Variants in MARCHF1 observed in about 807,000 individuals in gnomAD.
MARCHF1 encodes the protein E3 ubiquitin-protein ligase MARCHF1.
MARCHF1 carries 40 observed loss-of-function variants against 54.2 expected under a neutral mutation model. That is an observed-to-expected ratio of 0.74 (90% confidence interval 0.57 to 0.96). MARCHF1 has a LOEUF of 0.96. MARCHF1 is among the 40% of genes least tolerant of loss of function. The probability of loss-of-function intolerance (pLI) is 0.00; values close to 1 mark genes in which losing one functional copy is unlikely to be tolerated. For synonymous variants in MARCHF1, 236 were observed against 236.3 expected, an observed-to-expected ratio of 1.00 and a Z score of 0.01; for missense variants, 586 against 656.5, an observed-to-expected ratio of 0.89 and a Z score of 1.17.
At position 163,611,365 on chromosome 4, in the gene MARCHF1, G is replaced by T. The variant is rs1022344503; in HGVS notation, c.1010+906C>A. On this transcript the variant is annotated intron_variant, in intron 7 of 9. Coordinates refer to ENST00000514618, the MANE Select transcript of MARCHF1 (RefSeq NM_001394959.1). ...CAATGGACATGAGCAGCCTTCTCTG[G>T]GTCACGTAATTCACACGAACATGCA... Among the ~76,000 whole-genome samples, 14 of 151,860 alleles carry T rather than the reference G, an allele frequency of 9.2e-5. No homozygotes were observed. The East Asian group carries it at 2.7e-3, about 29-fold the overall frequency.
chr4:163,709,233 C>G (rs1745036521), intron 4 of MARCHF1, among the ~76,000 whole-genome samples: 1 of 151,980 alleles, frequency 6.6e-6, no homozygotes, highest in South Asian at 2.1e-4. Flanking sequence ...GCAGGCAGGC[C>G]CATGGGAGTA....
chr4:163,612,690 G>A lies in MARCHF1; in HGVS notation c.591C>T (p.Asn197=), dbSNP rs1193574842. Residue 197 remains asparagine, a synonymous_variant, in exon 7 of 10, where the codon AAC becomes AAT. Transcript: ENST00000514618. ...CGTTAGGAGTGGAAGACCCAGCTAA[G>A]TTTTCACACGGCTTATTATTATTTC... The part of the protein sequence containing the change: ...RRRNNNKPCE[N]LAGSSTPNGI... 3.3e-6 allele frequency: 5 copies of A among 1,535,530 alleles called. No homozygotes were observed.
In MARCHF1 at chr4:163,613,364, G is replaced by A. The variant is rs1227662664; in HGVS notation, c.192C>T (p.Pro64=). 17 of 1,613,156 alleles carry A rather than the reference G, an allele frequency of 1.1e-5. No homozygotes were observed. Among genetic ancestry groups the A allele is most frequent in the Non-Finnish European group, 1.4e-5 (16 of 1,179,484 alleles). ...KASSPTTGTA[P]RSQSRLSVCP... ...AGACAGACAACCTTGACTGGCTCCT[G>A]GGAGCTGTCCCTGTTGTTGGGCTGC... Residue 64 remains proline (P), a synonymous_variant, in exon 6 of 10, where the codon CCC becomes CCT. Coordinates refer to ENST00000514618, the MANE Select transcript of MARCHF1 (RefSeq NM_001394959.1).
chr4:163,726,763 T>C (rs999319912), intron 4 of MARCHF1, among the ~76,000 whole-genome samples: 1 of 152,210 alleles, frequency 6.6e-6, no homozygotes, highest in African/African-American at 2.4e-5. Flanking sequence ...TCCTGCTACA[T>C]TTGGTGGTGG....
At chr4:163,791,071 TA>T (rs1747761982) in intron 4 of MARCHF1, among the ~76,000 whole-genome samples, 1 of 152,118 alleles carries the variant, frequency 6.6e-6, no homozygotes, top group Admixed American at 6.6e-5. Context: ...AATGAGAATG[TA>T]AAAACCATAG....
chr4:163,528,962 C>T lies in MARCHF1; in HGVS notation c.1424G>A (p.Cys475Tyr). ...GCGCCACAACTGAACATAGACTTTA[C>T]ACTGTACGTACATGAAGACAAGACC... is the stretch of plus-strand genomic sequence containing the variant. ...TGGLVFMYVQ[C>Y]KVYVQLWRRL... The change falls in exon 10 of 10, where the codon TGT (cysteine) becomes TAT (tyrosine). Residue 475 changes from cysteine to tyrosine, a missense_variant. By Grantham distance (194) the Cys-to-Tyr change is radical. Around this residue, in one of 3 missense-constraint regions of MARCHF1, gnomAD observed 106 missense variants for 93.8 expected, o/e 1.13. Coordinates refer to ENST00000514618, the MANE Select transcript of MARCHF1 (RefSeq NM_001394959.1). 6.2e-7 allele frequency: 1 copy of T among 1,613,250 alleles called. No homozygotes were observed. The highest frequency in any genetic ancestry group is 8.5e-7 in the Non-Finnish European group (1 of 1,179,528).
At chr4:164,081,811 T>C (rs1755107692) in intron 2 of MARCHF1, among the ~76,000 whole-genome samples, 1 of 152,198 alleles carries the variant, frequency 6.6e-6, no homozygotes, top group South Asian at 2.1e-4. Flanking sequence ...ACTAGACCTT[T>C]AGCTACTTAA....
chr4:163,710,356 T>A (rs1745070566), intron 4 of MARCHF1, among the ~76,000 whole-genome samples: 1 of 152,028 alleles, frequency 6.6e-6, no homozygotes, highest in Non-Finnish European at 1.5e-5. Flanking sequence ...CCGCAATTAC[T>A]TTTGCACCAA....
At chr4:164,194,927 T>C (rs1210963952) in intron 1 of MARCHF1, among the ~76,000 whole-genome samples, 1 of 152,004 alleles carries the variant, frequency 6.6e-6, no homozygotes, top group Non-Finnish European at 1.5e-5. Flanking sequence ...TTTCTCCTAA[T>C]AGGAGAAATA....
chr4:163,764,968 C>T (rs1161415320), intron 4 of MARCHF1, among the ~76,000 whole-genome samples: 2 of 152,056 alleles, frequency 1.3e-5, no homozygotes, highest in African/African-American at 4.8e-5. Context: ...AGGCTCATTA[C>T]TTAATTATTT....
intron 3 of MARCHF1, among the ~76,000 whole-genome samples, chr4:163,973,573 G>T (rs1318632699): frequency 6.6e-6 from 1 of 152,172 alleles, no homozygotes; most frequent in Admixed American, 6.5e-5. Context: ...GCGTTGGAGG[G>T]CACTACCAAA....
In MARCHF1 at chr4:164,122,919, A is replaced by T. The variant is rs576473654; in HGVS notation, c.-322-11257T>A. ...CCACCGTTATTCATCAAAGTACTGG[A>T]AGTGTTAGCTAGAGTAATCAGACAA... On this transcript the variant is annotated intron_variant, in intron 1 of 9. Transcript: ENST00000514618. Among the ~76,000 whole-genome samples the T allele has an allele frequency of 5.3e-5, 8 of 152,290 alleles. No individual in the cohort carries two copies. In the South Asian group the frequency reaches 1.7e-3, roughly 32 times the overall value.
chr4:164,121,253 C>T (rs1305014287), intron 1 of MARCHF1, among the ~76,000 whole-genome samples: 1 of 152,032 alleles, frequency 6.6e-6, no homozygotes, highest in Non-Finnish European at 1.5e-5. Flanking sequence ...ATACAACCTA[C>T]CAAGATTGAA....
chr4:164,130,574 C>A lies in MARCHF1; in HGVS notation c.-322-18912G>T, dbSNP rs532020565. On this transcript the variant is annotated intron_variant, in intron 1 of 9. Coordinates refer to ENST00000514618, the MANE Select transcript of MARCHF1 (RefSeq NM_001394959.1). ...ATTTCCCTAAGAGTATAATAATAAA[C>A]CCTGCGCTAAACAATGCTTTGTCCT... Among the ~76,000 whole-genome samples the A allele has an allele frequency of 7.9e-5, 12 of 152,212 alleles. No individual in the cohort carries two copies. In the East Asian group the frequency reaches 1.5e-3, roughly 20 times the overall value.
intron 2 of MARCHF1, among the ~76,000 whole-genome samples, chr4:164,090,917 T>G (rs1465925502): frequency 6.6e-6 from 1 of 152,182 alleles, no homozygotes; most frequent in African/African-American, 2.4e-5. Context: ...AGGTGAAGGC[T>G]GTTGTCTCCA....
At chr4:163,969,593 A>G (rs1314507938) in intron 3 of MARCHF1, among the ~76,000 whole-genome samples, 1 of 152,164 alleles carries the variant, frequency 6.6e-6, no homozygotes, top group African/African-American at 2.4e-5. Context: ...TCCATTATTT[A>G]CCTCCAGTGA....
rs147576340 is a variant in MARCHF1, at chr4:163,756,735, T to A, written c.112-55872A>T. Among the ~76,000 whole-genome samples the A allele has an allele frequency of 5.8e-3, 865 of 150,082 alleles. 7 individuals are homozygous for A. The highest frequency in any genetic ancestry group is 0.021 in the Middle Eastern group (6 of 286). ...CTCTAACTTTCATGTGTTCTGAGAATAATAAAGTAAAATTTGAATGAAATG... is the reference window on the plus strand; with the variant it reads ...CTCTAACTTTCATGTGTTCTGAGAAAAATAAAGTAAAATTTGAATGAAATG... On this transcript the variant is annotated intron_variant, in intron 4 of 9. Transcript: ENST00000514618.
chr4:163,685,589 G>A (rs1393968032), intron 5 of MARCHF1, among the ~76,000 whole-genome samples: 1 of 152,072 alleles, frequency 6.6e-6, no homozygotes, highest in Non-Finnish European at 1.5e-5. Context: ...CAAGCAGCTG[G>A]GATTACAGGC....
chr4:164,380,340 C>T (rs1462739044), intron 1 of MARCHF1, among the ~76,000 whole-genome samples: 1 of 152,152 alleles, frequency 6.6e-6, no homozygotes, highest in Non-Finnish European at 1.5e-5. Context: ...CCTGAATTTT[C>T]CAAATCATTT....
Sources: allele counts gnomAD v4.1 joint callset (sites outside exome capture counted in the v4.1 genomes callset), GRCh38; gene constraint gnomAD v4.1.1; regional missense constraint gnomAD v4.1.1; transcripts MANE v1.5; gene names NCBI Gene and HGNC (gene_info 2026-07-23, HGNC 2026-07-21).